PRKCB: variants seen among roughly 807,000 people sequenced by gnomAD.
PRKCB encodes protein kinase C beta, also known as protein kinase C beta type.
In PRKCB, 13 loss-of-function variants were observed where a neutral mutation model predicts 81.5. That is an observed-to-expected ratio of 0.16 (90% CI 0.10 to 0.25). PRKCB has a LOEUF of 0.25. PRKCB is among the 10% of genes least tolerant of loss of function. The pLI is 1.00. For synonymous variants in PRKCB, 335 were observed against 321.4 expected, an observed-to-expected ratio of 1.04 and a Z score of -0.45; for missense variants, 509 against 875.7, an observed-to-expected ratio of 0.58 and a Z score of 5.29.
At chr16:24,021,012 C>CTTTCTTTCTTTCTTTCTTTCTTTCT (rs1965360678) in intron 3 of PRKCB, among the ~76,000 whole-genome samples, 1 of 141,532 alleles carries the variant, frequency 7.1e-6, no homozygotes, top group Non-Finnish European at 1.5e-5. Context: ...TTCTTTCTTT[C>CTTTCTTTCTTTCTTTCTTTCTTTCT]TTTCTTTCTT....
chr16:23,925,945 G>T (rs1053929345), intron 2 of PRKCB, among the ~76,000 whole-genome samples: 1 of 146,246 alleles, frequency 6.8e-6, no homozygotes, highest in Non-Finnish European at 1.5e-5. Context: ...TTTTTTTTAA[G>T]ATAATGGCTT....
intron 3 of PRKCB, among the ~76,000 whole-genome samples, chr16:24,009,602 T>TTTA (rs1389603631): frequency 1.7e-4 from 26 of 150,854 alleles, no homozygotes; most frequent in African/African-American, 6.1e-4. Flanking sequence ...TTTTTTTTTT[T>TTTA]AAAAAAGACA....
intron 3 of PRKCB, among the ~76,000 whole-genome samples, chr16:24,019,904 C>T (rs969599144): frequency 1.8e-4 from 27 of 152,148 alleles, no homozygotes; most frequent in African/African-American, 3.4e-4. Context: ...TGACACTTAG[C>T]GTGTTTAAAT....
chr16:24,065,814 G>A (rs1173989304), intron 5 of PRKCB, among the ~76,000 whole-genome samples: 3 of 152,188 alleles, frequency 2.0e-5, no homozygotes, highest in Admixed American at 6.5e-5. Flanking sequence ...TTCAAGTCCA[G>A]TCTGGGCAAC....
At chr16:24,026,064 A>G (rs1471574636) in intron 3 of PRKCB, among the ~76,000 whole-genome samples, 2 of 152,226 alleles carry the variant, frequency 1.3e-5, no homozygotes, top group African/African-American at 4.8e-5. Flanking sequence ...TGCAAGGCTG[A>G]GGCAGGCAGA....
chr16:23,983,490 G>T (rs1019246179), intron 2 of PRKCB, among the ~76,000 whole-genome samples: 2 of 152,196 alleles, frequency 1.3e-5, no homozygotes, highest in African/African-American at 4.8e-5. Flanking sequence ...ATCCAGGCTG[G>T]TGGGATGTCA....
At chr16:24,181,611 A>G (rs565604381) in intron 13 of PRKCB, among the ~76,000 whole-genome samples, 2 of 152,076 alleles carry the variant, frequency 1.3e-5, no homozygotes, top group East Asian at 3.9e-4. Flanking sequence ...TACAAAAAAT[A>G]CAAAAATTAG....
rs35846626 is a variant in PRKCB at position 23,881,253 on chromosome 16, GTT to G, written c.205+43863_205+43864del. ...TTGACTCCTTTTCTCTCTTTTCCCA[GTT>G]TTTTTTTTTTTTTTTGAGACAGAGT... is the stretch of plus-strand genomic sequence containing the variant. On this transcript the variant is annotated intron_variant, in intron 2 of 16. Transcript: ENST00000643927. Among the ~76,000 whole-genome samples, 51 of 136,374 alleles carry G rather than the reference GTT, an allele frequency of 3.7e-4. No homozygotes were observed. In the South Asian group the frequency reaches 3.9e-3, roughly 11 times the overall value. The allele number at this position is 136,374 out of a possible 152,430, so 89.5% of individuals were successfully genotyped here.
chr16:24,113,282 TTC>T (rs755061570), intron 8 of PRKCB, among the ~76,000 whole-genome samples: 1 of 148,220 alleles, frequency 6.7e-6, no homozygotes, highest in Non-Finnish European at 1.5e-5. Flanking sequence ...CTCTCTTGCT[TTC>T]TCTTGCTTGC....
At chr16:24,041,090 C>T (rs1205480174) in intron 5 of PRKCB, among the ~76,000 whole-genome samples, 4 of 146,828 alleles carry the variant, frequency 2.7e-5, no homozygotes, top group Non-Finnish European at 6.0e-5. Context: ...CTTGCTGTCA[C>T]CCAGGCTGGA....
At chr16:24,105,690 T>C (rs1043777114) in intron 7 of PRKCB, among the ~76,000 whole-genome samples, 1 of 152,226 alleles carries the variant, frequency 6.6e-6, no homozygotes, top group Admixed American at 6.5e-5. Flanking sequence ...TCCATGTCCC[T>C]GCAAAGGACA....
intron 3 of PRKCB, among the ~76,000 whole-genome samples, chr16:23,997,608 C>A (rs1396031738): frequency 6.6e-6 from 1 of 152,146 alleles, no homozygotes. Context: ...ATATGGTGAG[C>A]AAATATCTTT....
intron 2 of PRKCB, among the ~76,000 whole-genome samples, chr16:23,911,127 G>GTTTTTTT (rs1567310884): frequency 5.1e-4 from 6 of 11,786 alleles, no homozygotes; most frequent in African/African-American, 1.3e-3. Context: ...ACGTATATAT[G>GTTTTTTT]CTTTTTTTTT....
At chr16:23,886,395 G>A (rs1035747747) in intron 2 of PRKCB, among the ~76,000 whole-genome samples, 2 of 138,782 alleles carry the variant, frequency 1.4e-5, no homozygotes, top group Admixed American at 1.6e-4. Flanking sequence ...TTGGACTATG[G>A]TGTGTTAGGT....
chr16:23,869,207 A>C (rs1035744452), intron 2 of PRKCB: 8 of 441,640 alleles, frequency 1.8e-5, no homozygotes, highest in Non-Finnish European at 3.2e-5. Context: ...AGGCTTTGAG[A>C]AGCTATTGTG....
chr16:24,195,103 T>A (rs953605389), intron 16 of PRKCB, among the ~76,000 whole-genome samples: 1 of 151,570 alleles, frequency 6.6e-6, no homozygotes, highest in African/African-American at 2.4e-5. Flanking sequence ...CTCAGGAGGC[T>A]GAGGTGGGAG....
intron 10 of PRKCB, among the ~76,000 whole-genome samples, chr16:24,166,270 A>G (rs544103384): frequency 6.6e-6 from 1 of 152,234 alleles, no homozygotes; most frequent in Admixed American, 6.5e-5. Context: ...ATTGTGTGTA[A>G]GTTTTTTTAA....
At chr16:24,035,020 A>G (rs964040514) in intron 4 of PRKCB, among the ~76,000 whole-genome samples, 1 of 152,094 alleles carries the variant, frequency 6.6e-6, no homozygotes, top group Non-Finnish European at 1.5e-5. Context: ...AGAAATGGGG[A>G]ATGTTTTTGC....
At chr16:23,969,881 G>A (rs1964534352) in intron 2 of PRKCB, among the ~76,000 whole-genome samples, 1 of 152,128 alleles carries the variant, frequency 6.6e-6, no homozygotes, top group African/African-American at 2.4e-5. Context: ...GTGTGTGTAC[G>A]TGGGGAAGGG....
Sources: gnomAD v4.1 joint callset for allele counts (sites outside exome capture counted in the v4.1 genomes callset) on GRCh38, gnomAD v4.1.1 for gene constraint, MANE v1.5 for transcripts, NCBI Gene and HGNC (gene_info 2026-07-23, HGNC 2026-07-21) for gene names.